Variants in PPARGC1A observed in about 807,000 individuals in gnomAD.
PPARGC1A encodes peroxisome proliferator-activated receptor gamma coactivator 1-alpha.
Under a neutral mutation model 88.7 loss-of-function variants are expected in PPARGC1A, and 25 were observed. That is an observed-to-expected ratio of 0.28 (90% CI 0.21 to 0.39). PPARGC1A has a LOEUF of 0.39. Ranked by LOEUF, PPARGC1A falls within the 10% of genes least tolerant of loss-of-function variation. The probability of loss-of-function intolerance (pLI) is 1.00; values close to 1 mark genes in which losing one functional copy is unlikely to be tolerated. For missense variants in PPARGC1A, 880 were observed against 968.7 expected, an observed-to-expected ratio of 0.91 and a Z score of 1.22; for synonymous variants, 363 against 355.6, an observed-to-expected ratio of 1.02 and a Z score of -0.24.
intron 2 of PPARGC1A, among the ~76,000 whole-genome samples, chr4:23,848,107 T>C (rs1388751492): frequency 6.6e-6 from 1 of 152,134 alleles, no homozygotes; most frequent in African/African-American, 2.4e-5. Context: ...CCCATAAGGT[T>C]ACAGGACATA....
At chr4:23,972,820 T>A in the PPARGC1A span, among the ~76,000 whole-genome samples, 1 of 152,294 alleles carries the variant, frequency 6.6e-6, no homozygotes, top group South Asian at 2.1e-4. Context: ...CGGTAAGATA[T>A]TAACATTATT....
the PPARGC1A span, among the ~76,000 whole-genome samples, chr4:24,196,685 A>G: frequency 6.6e-6 from 1 of 152,204 alleles, no homozygotes; most frequent in South Asian, 2.1e-4. Flanking sequence ...ATAATTCTTG[A>G]TGTAGGCACA....
the PPARGC1A span, among the ~76,000 whole-genome samples, chr4:24,341,257 A>G: frequency 2.0e-5 from 3 of 151,506 alleles, no homozygotes; most frequent in East Asian, 5.8e-4. Flanking sequence ...AAAATGAGCT[A>G]GCAGAACCAA....
At chr4:24,266,837 C>A in the PPARGC1A span, among the ~76,000 whole-genome samples, 2 of 152,146 alleles carry the variant, frequency 1.3e-5, no homozygotes, top group Non-Finnish European at 2.9e-5. Context: ...TTCCACAACA[C>A]TAAATTGAAA....
chr4:24,332,860 T>A, the PPARGC1A span, among the ~76,000 whole-genome samples: 2 of 152,240 alleles, frequency 1.3e-5, no homozygotes, highest in Non-Finnish European at 2.9e-5. Flanking sequence ...TTTCCTCAAC[T>A]GTATACTGAA....
chr4:24,048,083 T>G, the PPARGC1A span, among the ~76,000 whole-genome samples: 1 of 152,206 alleles, frequency 6.6e-6, no homozygotes, highest in Non-Finnish European at 1.5e-5. Flanking sequence ...TGCTTAGAAG[T>G]ATTAGCAATT....
At chr4:24,216,346 C>A in the PPARGC1A span, among the ~76,000 whole-genome samples, 1 of 151,956 alleles carries the variant, frequency 6.6e-6, no homozygotes, top group Non-Finnish European at 1.5e-5. Context: ...CAGGGTTTCA[C>A]CATGTTGGCC....
the PPARGC1A span, among the ~76,000 whole-genome samples, chr4:23,979,958 G>T: frequency 6.6e-6 from 1 of 152,024 alleles, no homozygotes; most frequent in Non-Finnish European, 1.5e-5. Context: ...CAGGGTAGAT[G>T]GCTCTCTCCT....
the PPARGC1A span, among the ~76,000 whole-genome samples, chr4:24,112,024 A>G: frequency 6.6e-6 from 1 of 152,098 alleles, no homozygotes; most frequent in Non-Finnish European, 1.5e-5. Flanking sequence ...ACAATAGAAT[A>G]AAGCCTTTGG....
the PPARGC1A span, among the ~76,000 whole-genome samples, chr4:23,994,764 G>C: frequency 6.6e-6 from 1 of 152,200 alleles, no homozygotes; most frequent in East Asian, 1.9e-4. Context: ...AATTGGTCAG[G>C]CTTTGCAGGA....
At chr4:24,079,427 C>T in the PPARGC1A span, among the ~76,000 whole-genome samples, 1 of 151,932 alleles carries the variant, frequency 6.6e-6, no homozygotes, top group Admixed American at 6.6e-5. Flanking sequence ...GTTAATTGCT[C>T]ATGGACCCAG....
chr4:23,879,235 G>A (rs1270304233), intron 2 of PPARGC1A, among the ~76,000 whole-genome samples: 1 of 152,066 alleles, frequency 6.6e-6, no homozygotes, highest in East Asian at 1.9e-4. Flanking sequence ...CAGGAGGTTT[G>A]CCATTCATAG....
At chr4:24,317,555 T>TTAAAAAAAAAAAAAA in the PPARGC1A span, among the ~76,000 whole-genome samples, 3 of 22,208 alleles carry the variant, frequency 1.4e-4, no homozygotes, top group African/African-American at 3.0e-4. Context: ...TTCAGAGGAC[T>TTAAAAAAAAAAAAAA]AAAAAAAAAA....
chr4:24,435,325 C>T, the PPARGC1A span, among the ~76,000 whole-genome samples: 2 of 152,224 alleles, frequency 1.3e-5, no homozygotes, highest in Non-Finnish European at 2.9e-5. Context: ...TAAATTAATG[C>T]TCTGCCCTCC....
chr4:23,877,230 A>G (rs1017241292), intron 2 of PPARGC1A, among the ~76,000 whole-genome samples: 7 of 151,902 alleles, frequency 4.6e-5, no homozygotes, highest in African/African-American at 1.7e-4. Context: ...TAAAAGTTAA[A>G]AGGAGGCCGG....
the PPARGC1A span, among the ~76,000 whole-genome samples, chr4:24,451,974 G>A: frequency 5.3e-5 from 8 of 152,032 alleles, no homozygotes; most frequent in African/African-American, 1.2e-4. Context: ...TTTTTTGTAC[G>A]AGATTTAACA....
the PPARGC1A span, among the ~76,000 whole-genome samples, chr4:24,142,055 G>A: frequency 2.9e-3 from 435 of 152,300 alleles, 3 homozygotes; most frequent in South Asian, 8.3e-3. Context: ...TTCTAAGAGA[G>A]TCAGCATGTA....
At chr4:24,251,915 C>T in the PPARGC1A span, among the ~76,000 whole-genome samples, 2 of 150,554 alleles carry the variant, frequency 1.3e-5, no homozygotes, top group East Asian at 2.0e-4. Flanking sequence ...AGTAAACCCA[C>T]ACTGTAATGT....
At chr4:24,311,086 CTTTTTTTTTTTT>C in the PPARGC1A span, among the ~76,000 whole-genome samples, 2 of 59,872 alleles carry the variant, frequency 3.3e-5, no homozygotes, top group African/African-American at 7.3e-5. Flanking sequence ...TATAATAATT[CTTTTTTTTTTTT>C]TTTTTTTTTT....
Sources: gnomAD v4.1 joint callset for allele counts (sites outside exome capture counted in the v4.1 genomes callset) on GRCh38, gnomAD v4.1.1 for gene constraint, MANE v1.5 for transcripts, NCBI Gene and HGNC (gene_info 2026-07-23, HGNC 2026-07-21) for gene names.